FCRL5: variants seen among roughly 807,000 people sequenced by gnomAD.
FCRL5 encodes Fc receptor like 5.
In FCRL5, 79 loss-of-function variants were observed where a neutral mutation model predicts 92.1. The observed-to-expected ratio is 0.86, with a 90% CI of 0.72 to 1.03. FCRL5 has a LOEUF of 1.03. Ranked by LOEUF, FCRL5 falls within the 50% of genes least tolerant of loss-of-function variation. FCRL5 has a pLI of 0.00. For synonymous variants in FCRL5, 466 were observed against 469.3 expected (o/e 0.99, Z 0.09); for missense variants, 1,160 against 1,181.1 (o/e 0.98, Z 0.26).
In FCRL5 at chr1:157,519,774, T is replaced by C. The variant is rs1378521778; in HGVS notation, c.2633-4A>G. On this transcript the variant is annotated splice_polypyrimidine_tract_variant and splice_region_variant and intron_variant, in intron 12 of 16. Coordinates refer to ENST00000361835, the MANE Select transcript of FCRL5 (RefSeq NM_031281.3). ...GGGTCAGAGGCAGGCTTTCTCCCTG[T>C]AAAGGAAAGCAGAGGAGCATTGGAT... 1 of 1,613,924 alleles carries C rather than the reference T, an allele frequency of 6.2e-7. No individual in the cohort carries two copies. Among genetic ancestry groups the C allele is most frequent in the South Asian group, 1.1e-5 (1 of 91,064 alleles).
chr1:157,519,596 C>A, intron 13 of FCRL5, 147 bp downstream of exon 13: 2 of 809,378 alleles, frequency 2.5e-6, no homozygotes, highest in Admixed American at 2.0e-5. Flanking sequence ...CTTAAGATAT[C>A]CCCAGGGACG....
intron 1 of FCRL5, 74 bp from the exon 2 acceptor site, chr1:157,549,654 T>A (rs1197806990): frequency 1.8e-5 from 25 of 1,384,088 alleles, no homozygotes; most frequent in Middle Eastern, 1.8e-4. Context: ...TTCCCTTTTT[T>A]ACCCATGCAT....
rs754797062 is a variant in FCRL5, at chr1:157,534,822, T to A, written c.1473A>T (p.Thr491=). Residue 491 remains threonine, a synonymous_variant, in exon 8 of 17, where the codon ACA becomes ACT. Transcript: ENST00000361835. ...AACCTCTCTGGACTTCACAGTGAAG[T>A]GTCACAGTGGCTCCTTCAAAAGTCA... The part of the protein sequence containing the change: ...EALTFEGATV[T]LHCEVQRGSP... 1.1e-5 allele frequency: 18 copies of A among 1,600,824 alleles called. No individual in the cohort carries two copies. The African/African-American group carries it at 1.7e-4, about 15-fold the overall frequency.
In FCRL5 at chr1:157,542,888, G is replaced by T; in HGVS notation, c.1094C>A (p.Pro365His). 6.2e-6 allele frequency: 10 copies of T among 1,613,590 alleles called. No homozygotes were observed. Among genetic ancestry groups the T allele is most frequent in the Non-Finnish European group, 5.9e-6 (7 of 1,179,982 alleles). ...CTADNGLGAK[P>H]SKAVSLSVTV... ...GACTGAGAGGCTCACAGCCTTACTG[G>T]GCTTGGCGCCAAGGCCATTGTCAGC... Residue 365 changes from proline to histidine, a missense_variant, in exon 6 of 17, where the codon CCC (proline) becomes CAC (histidine). By Grantham distance (77) the Pro-to-His change is moderately conservative. Transcript: ENST00000361835.
chr1:157,538,850 G>T (rs1367971739), intron 7 of FCRL5, among the ~76,000 whole-genome samples: 1 of 152,228 alleles, frequency 6.6e-6, no homozygotes, highest in Non-Finnish European at 1.5e-5. Context: ...AATTTGAGGA[G>T]CAGGGAAAAG....
chr1:157,516,282 G>A (rs2101588345), intron 15 of FCRL5, among the ~76,000 whole-genome samples: 1 of 152,330 alleles, frequency 6.6e-6, no homozygotes, highest in Non-Finnish European at 1.5e-5. Context: ...TCACCTCCGT[G>A]GTTGGGGGAA....
At chr1:157,531,354 C>G (rs1650688387) in intron 8 of FCRL5, among the ~76,000 whole-genome samples, 1 of 152,102 alleles carries the variant, frequency 6.6e-6, no homozygotes, top group South Asian at 2.1e-4. Context: ...AGGAAGGAAC[C>G]CTTACATTGC....
intron 14 of FCRL5, 99 bp downstream of exon 14, chr1:157,518,601 C>A: frequency 7.0e-7 from 1 of 1,437,780 alleles, no homozygotes; most frequent in Admixed American, 1.7e-5. Context: ...AGGACTAGAG[C>A]CCTCTAGGCC....
intron 9 of FCRL5, 31 bp from the exon 10 acceptor site, chr1:157,524,588 G>A (rs1172041091): frequency 6.5e-7 from 1 of 1,539,920 alleles, no homozygotes; most frequent in Non-Finnish European, 8.7e-7. Flanking sequence ...TGTATCAGCT[G>A]CTTCTGCTAA....
intron 3 of FCRL5, chr1:157,546,404 C>T (rs563329830): frequency 3.2e-4 from 106 of 333,716 alleles, no homozygotes; most frequent in South Asian, 1.5e-3. Flanking sequence ...GCCGAGATAA[C>T]GCCACTGCAC....
chr1:157,516,576 G>C (rs568389766), intron 15 of FCRL5, among the ~76,000 whole-genome samples: 5 of 152,274 alleles, frequency 3.3e-5, no homozygotes, highest in Admixed American at 2.6e-4. Context: ...AGTTCTAAGA[G>C]CTATCCATAC....
intron 8 of FCRL5, chr1:157,528,533 C>A (rs1650544095): frequency 6.6e-6 from 1 of 152,154 alleles, no homozygotes. Context: ...AAGAACAAAT[C>A]TGGAGGCATC....
Position 157,514,833 on chromosome 1 carries a change from C to T in FCRL5, c.*842G>A, listed in dbSNP as rs1308558916. On this transcript the variant is annotated 3_prime_UTR_variant, in exon 17 of 17. Transcript: ENST00000361835. ...TACCTCCCGGATTTCCTAGGGAGTG[C>T]ACTGGATTTTATGCCAGTTTGATTA... The T allele has an allele frequency of 1.3e-5, 2 of 152,234 alleles. No individual in the cohort carries two copies. Among genetic ancestry groups the T allele is most frequent in the East Asian group, 3.9e-4 (2 of 5,192 alleles). The allele number at this position is 152,234 out of a possible 1,614,324, so 9.4% of individuals were successfully genotyped here.
At chr1:157,540,291 T>C (rs1285313477) in intron 6 of FCRL5, among the ~76,000 whole-genome samples, 2 of 148,584 alleles carry the variant, frequency 1.3e-5, no homozygotes, top group Non-Finnish European at 2.9e-5. Flanking sequence ...GCAGAGATGT[T>C]GCTCTCAAAG....
chr1:157,514,337 T>C lies in FCRL5; in HGVS notation c.*1338A>G, dbSNP rs1244211333. 1 of 152,232 alleles carries C rather than the reference T, an allele frequency of 6.6e-6. No homozygotes were observed. Among genetic ancestry groups the C allele is most frequent in the Non-Finnish European group, 1.5e-5 (1 of 68,040 alleles). 9.4% of individuals were successfully genotyped at this position (152,232 alleles called of 1,614,324 possible). On this transcript the variant is annotated 3_prime_UTR_variant, in exon 17 of 17. Transcript: ENST00000361835. ...CTCAGGTTATATACATTCACCCTTTTCATGGGAAAGTGTGAGGCCTGAGGT... is the reference window on the plus strand; with the variant it reads ...CTCAGGTTATATACATTCACCCTTTCCATGGGAAAGTGTGAGGCCTGAGGT...
Position 157,521,187 on chromosome 1 carries a change from A to T in FCRL5, c.2345T>A (p.Ile782Asn). 6.2e-7 allele frequency: 1 copy of T among 1,614,136 alleles called. No homozygotes were observed. The highest frequency in any genetic ancestry group is 1.1e-5 in the South Asian group (1 of 91,090). The part of the protein sequence containing the change: ...HCEALRGSPL[I>N]LYRFFHEDVT... ...ATCCTCATGAAAAAACCGGTACAGGATCAGGGGAGAGCCTCTCAGGGCCTC... is the reference window on the plus strand; with the variant it reads ...ATCCTCATGAAAAAACCGGTACAGGTTCAGGGGAGAGCCTCTCAGGGCCTC... Residue 782 changes from isoleucine to asparagine, a missense_variant, in exon 11 of 17, where the codon ATC becomes AAC. Ile to Asn is a moderately radical substitution (Grantham distance 149). Transcript: ENST00000361835.
At chr1:157,518,646 C>T (rs771785235) in intron 14 of FCRL5, 54 bp downstream of exon 14, 75 of 1,553,332 alleles carry the variant, frequency 4.8e-5, no homozygotes, top group Non-Finnish European at 6.6e-5. Context: ...TGCCCCACCG[C>T]TTTCCCACAC....
chr1:157,546,687 A>T lies in FCRL5; in HGVS notation c.307+256T>A, dbSNP rs139652239. Among the ~76,000 whole-genome samples, 33 of 152,302 alleles carry T rather than the reference A, an allele frequency of 2.2e-4. No homozygotes were observed. In the East Asian group the frequency reaches 6.4e-3, roughly 29 times the overall value. ...TGCCCAGGCTTTCTGACTCAAATCA[A>T]ACTTTAAGAACCACAGGTTTAGAGA... On this transcript the variant is annotated intron_variant, in intron 3 of 16. Transcript: ENST00000361835.
At position 157,524,509 on chromosome 1, in the gene FCRL5, G is replaced by A; in HGVS notation, c.2009C>T (p.Ala670Val). ...ILTFRAPRAQ[A>V]VVGDLLELHC... ...AAGCTCCAGCAGGTCCCCCACCACA[G>A]CCTGGGCCCTGGGAGCCCTGAAGGT... is the stretch of plus-strand genomic sequence containing the variant. The change falls in exon 10 of 17, where the codon GCT becomes GTT. Residue 670 changes from alanine (A) to valine (V), a missense_variant. Transcript: ENST00000361835. 6.2e-7 allele frequency: 1 copy of A among 1,613,680 alleles called. No individual in the cohort carries two copies. Among genetic ancestry groups the A allele is most frequent in the African/African-American group, 1.3e-5 (1 of 75,062 alleles).
Sources: gnomAD v4.1 joint callset for allele counts (sites outside exome capture counted in the v4.1 genomes callset) on GRCh38, gnomAD v4.1.1 for gene constraint, MANE v1.5 for transcripts, NCBI Gene and HGNC (gene_info 2026-07-23, HGNC 2026-07-21) for gene names.